EFEMP1: variants seen among roughly 807,000 people sequenced by gnomAD.
The protein encoded by EFEMP1 is EGF-containing fibulin-like extracellular matrix protein 1.
A neutral mutation model predicts 65.7 loss-of-function variants in EFEMP1; 18 were observed. The ratio of observed to expected loss-of-function variants is 0.27; its 90% CI spans 0.19 to 0.41. The LOEUF (loss-of-function observed/expected upper bound fraction) is 0.41, where lower values mean the gene tolerates loss of function less well. Among genes scored for constraint, EFEMP1 ranks in the 10% least tolerant of loss-of-function variants. The pLI, the probability that EFEMP1 is intolerant of heterozygous loss-of-function variation, is 1.00. For missense variants in EFEMP1, 469 were observed against 624.8 expected, an observed-to-expected ratio of 0.75 and a Z score of 2.66; for synonymous variants, 237 against 219.7, an observed-to-expected ratio of 1.08 and a Z score of -0.70.
chr2:55,907,497 A>G (rs986415981), intron 5 of EFEMP1, among the ~76,000 whole-genome samples: 1 of 152,254 alleles, frequency 6.6e-6, no homozygotes, highest in South Asian at 2.1e-4. Context: ...CAAACTCTGA[A>G]AAACAGACTT....
Position 55,919,169 on chromosome 2 carries a change from T to TGTCAA in EFEMP1, c.82-903_82-902insTTGAC, listed in dbSNP as rs1670821252. Among the ~76,000 whole-genome samples the TGTCAA allele has an allele frequency of 6.6e-6, 1 of 152,082 alleles. No individual in the cohort carries two copies. Among genetic ancestry groups the TGTCAA allele is most frequent in the African/African-American group, 2.4e-5 (1 of 41,414 alleles). ...GGCTATTGTGACAAAGGCATAAAAT[T>TGTCAA]TTTGAAAAGGGAAGGAGCTGCAAGG... On this transcript the variant is annotated intron_variant, in intron 3 of 11. Transcript: ENST00000355426. The surrounding 1 kb of genome is among the most constrained non-coding windows in gnomAD (Gnocchi z 4.5).
intron 5 of EFEMP1, among the ~76,000 whole-genome samples, chr2:55,888,547 C>T (rs568847401): frequency 3.9e-4 from 59 of 152,100 alleles, no homozygotes; most frequent in Non-Finnish European, 6.0e-4. Context: ...CTATGTTGGC[C>T]AGGCTGGTCT....
In EFEMP1 at chr2:55,870,890, C is replaced by G. The variant is rs367901228; in HGVS notation, c.1150G>C (p.Ala384Pro). 3 of 1,613,558 alleles carry G rather than the reference C, an allele frequency of 1.9e-6. No homozygotes were observed. In the African/African-American group the frequency reaches 4.0e-5, roughly 22 times the overall value. Residue 384 changes from alanine (A) to proline (P), a missense_variant, in exon 11 of 12, where the codon GCC becomes CCC. Coordinates refer to ENST00000355426, the MANE Select transcript of EFEMP1 (RefSeq NM_001039348.3). This position sits in a 1 kb window ranked among gnomAD's most constrained non-coding sequence, Gnocchi z 5.8. ...ENRCVCPVSN[A>P]MCRELPQSIV... ...GACTGGGGCAGTTCTCGGCACATGG[C>G]ATTTGAGACTGGGCAAACACATCGG...
intron 5 of EFEMP1, among the ~76,000 whole-genome samples, chr2:55,901,124 TGAACA>T (rs1474593247): frequency 2.0e-5 from 3 of 152,178 alleles, no homozygotes; most frequent in Non-Finnish European, 4.4e-5. Flanking sequence ...AAGAAAAATG[TGAACA>T]GAACAGAACA....
In EFEMP1 at chr2:55,875,145, TTA is replaced by T. The variant is rs899009607; in HGVS notation, c.881-82_881-81del. 711 of 460,374 alleles carry T rather than the reference TTA, an allele frequency of 1.5e-3. 2 individuals carry two copies. Among genetic ancestry groups the T allele is most frequent in the Admixed American group, 3.6e-3 (66 of 18,550 alleles). 28.5% of individuals were successfully genotyped at this position (460,374 alleles called of 1,614,324 possible). On this transcript the variant is annotated intron_variant, in intron 8 of 11. Coordinates refer to ENST00000355426, the MANE Select transcript of EFEMP1 (RefSeq NM_001039348.3). The stretch of plus-strand genomic sequence containing the variant: ...CTTTGGATATATATATATATATAAA[TTA>T]TATATATATATAAATTATAAGATTT...
rs1394979402 is a variant in EFEMP1, at chr2:55,866,882, T to C, written c.*191A>G. 3 of 675,906 alleles carry C rather than the reference T, an allele frequency of 4.4e-6. No homozygotes were observed. The highest frequency in any genetic ancestry group is 7.3e-6 in the Non-Finnish European group (3 of 409,026). The allele number at this position is 675,906 out of a possible 1,614,324, so 41.9% of individuals were successfully genotyped here. ...GGATTAATGTCTAATTTACATATAG[T>C]AATAAAGACAAACTTTGAATCTTTA... On this transcript the variant is annotated 3_prime_UTR_variant, in exon 12 of 12. Transcript: ENST00000355426.
At position 55,866,959 on chromosome 2, in the gene EFEMP1, A is replaced by C; in HGVS notation, c.*114T>G. The C allele has an allele frequency of 7.6e-7, 1 of 1,312,302 alleles. No individual in the cohort carries two copies. Among genetic ancestry groups the C allele is most frequent in the Non-Finnish European group, 1.1e-6 (1 of 922,570 alleles). 81.3% of individuals were successfully genotyped at this position (1,312,302 alleles called of 1,614,324 possible). On this transcript the variant is annotated 3_prime_UTR_variant, in exon 12 of 12. Coordinates refer to ENST00000355426, the MANE Select transcript of EFEMP1 (RefSeq NM_001039348.3). Reference sequence around the variant, plus strand: ...GGTGTAATTGTTTGAATTATGGGTGAGTGTACAGTATAGAGATGTAGATGC... The same window carrying C: ...GGTGTAATTGTTTGAATTATGGGTGCGTGTACAGTATAGAGATGTAGATGC...
Position 55,877,468 on chromosome 2 carries a change from CTGCTGATTG to C in EFEMP1, c.760+269_760+277del, listed in dbSNP as rs1669081055. Among the ~76,000 whole-genome samples, 1 of 152,172 alleles carries C rather than the reference CTGCTGATTG, an allele frequency of 6.6e-6. No homozygotes were observed. The highest frequency in any genetic ancestry group is 6.5e-5 in the Admixed American group (1 of 15,268). On this transcript the variant is annotated intron_variant, in intron 7 of 11. Transcript: ENST00000355426. This position sits in a 1 kb window ranked among gnomAD's most constrained non-coding sequence, Gnocchi z 4.5. ...GGCACTTTCAGCATTATATCACACA[CTGCTGATTG>C]ACTGGTGTATGTATATCAATTGATT...
At chr2:55,897,405 T>G (rs1361546027) in intron 5 of EFEMP1, among the ~76,000 whole-genome samples, 1 of 151,802 alleles carries the variant, frequency 6.6e-6, no homozygotes, top group Non-Finnish European at 1.5e-5. Flanking sequence ...AAAAAGTAAA[T>G]TCCAGATAAT....
rs529831738 is a variant in EFEMP1 at position 55,870,521 on chromosome 2, T to C, written c.1320+199A>G. On this transcript the variant is annotated intron_variant, in intron 11 of 11. Coordinates refer to ENST00000355426, the MANE Select transcript of EFEMP1 (RefSeq NM_001039348.3). The surrounding 1 kb of genome is among the most constrained non-coding windows in gnomAD (Gnocchi z 5.8). ...CCTCTGTAAAAAATGGAGATGAATA[T>C]TAATATCTATCTGGCAGTGTTACCA... 1.1e-4 allele frequency among the ~76,000 whole-genome samples: 16 copies of C among 152,238 alleles called. No homozygotes were observed. The highest frequency in any genetic ancestry group is 6.8e-3 in the Middle Eastern group (2 of 294).
chr2:55,905,433 C>T (rs1670218515), intron 5 of EFEMP1, among the ~76,000 whole-genome samples: 1 of 152,026 alleles, frequency 6.6e-6, no homozygotes, highest in South Asian at 2.1e-4. Flanking sequence ...ATACTGTAAA[C>T]AGATTTTCCA....
rs955323015 is a variant in EFEMP1 at position 55,886,665 on chromosome 2, C to T, written c.518-4931G>A. On this transcript the variant is annotated intron_variant, in intron 5 of 11. Transcript: ENST00000355426. The surrounding 1 kb of genome is among the most constrained non-coding windows in gnomAD (Gnocchi z 4.0). ...TACCCACCTGCTCAAAATGATTGCTCCCAATCCTTTCTAGAGACAGGGTGA... is the reference window on the plus strand; with the variant it reads ...TACCCACCTGCTCAAAATGATTGCTTCCAATCCTTTCTAGAGACAGGGTGA... Among the ~76,000 whole-genome samples the T allele has an allele frequency of 1.3e-5, 2 of 152,102 alleles. No homozygotes were observed. Among genetic ancestry groups the T allele is most frequent in the African/African-American group, 4.8e-5 (2 of 41,418 alleles).
intron 11 of EFEMP1, among the ~76,000 whole-genome samples, chr2:55,869,263 G>T (rs1451690987): frequency 1.3e-5 from 2 of 151,976 alleles, no homozygotes; most frequent in Admixed American, 6.6e-5. Flanking sequence ...ATGGCTAAAA[G>T]TTCAAAATAG....
intron 5 of EFEMP1, among the ~76,000 whole-genome samples, chr2:55,909,734 G>T (rs941624739): frequency 6.6e-6 from 1 of 152,072 alleles, no homozygotes; most frequent in African/African-American, 2.4e-5. Flanking sequence ...TGCTACCTGT[G>T]TCACATACTA....
intron 5 of EFEMP1, among the ~76,000 whole-genome samples, chr2:55,901,111 G>C (rs1391319912): frequency 1.3e-5 from 2 of 152,148 alleles, no homozygotes; most frequent in Non-Finnish European, 2.9e-5. Flanking sequence ...AATAGACTGT[G>C]GGAAGAAAAA....
At position 55,922,367 on chromosome 2, in the gene EFEMP1, G is replaced by T; in HGVS notation, c.74C>A (p.Thr25Lys). The change falls in exon 3 of 12, where the codon ACG becomes AAG. Residue 25 changes from threonine (T) to lysine (K), a missense_variant. Physicochemically the swap from Thr to Lys is moderately conservative, Grantham distance 78 (BLOSUM62 -1). Transcript: ENST00000355426. The surrounding 1 kb of genome is among the most constrained non-coding windows in gnomAD (Gnocchi z 5.5). ...AATTCCATCACCCCTTACCGTGTAC[G>T]TGATGGTTTCTTCGGTGTCCTGTGA... ...VKSQDTEETI[T>K]YTQCTDGYEW... The T allele has an allele frequency of 2.5e-6, 4 of 1,613,806 alleles. No individual in the cohort carries two copies. The highest frequency in any genetic ancestry group is 3.4e-6 in the Non-Finnish European group (4 of 1,179,756).
At position 55,870,675 on chromosome 2, in the gene EFEMP1, A is replaced by G; in HGVS notation, c.1320+45T>C. On this transcript the variant is annotated intron_variant, in intron 11 of 11. Coordinates refer to ENST00000355426, the MANE Select transcript of EFEMP1 (RefSeq NM_001039348.3). The surrounding 1 kb of genome is among the most constrained non-coding windows in gnomAD (Gnocchi z 5.8). ...ACAACAACAACAACAACAACAACAA[A>G]CTCCCATCTTTCTCAATAGTTAAGG... The G allele has an allele frequency of 6.3e-7, 1 of 1,592,986 alleles. No individual in the cohort carries two copies. Among genetic ancestry groups the G allele is most frequent in the Non-Finnish European group, 8.6e-7 (1 of 1,163,106 alleles).
At chr2:55,868,108 C>G (rs887525035) in intron 11 of EFEMP1, among the ~76,000 whole-genome samples, 11 of 152,282 alleles carry the variant, frequency 7.2e-5, no homozygotes, top group Non-Finnish European at 1.3e-4. Context: ...TGTTCAATGT[C>G]TTGACTACAA....
intron 5 of EFEMP1, among the ~76,000 whole-genome samples, chr2:55,916,311 T>C (rs1380538996): frequency 1.3e-5 from 2 of 152,160 alleles, no homozygotes; most frequent in African/African-American, 4.8e-5. Context: ...GGTTTCGCCA[T>C]GTTGGCCAGG....
Sources: gnomAD v4.1 joint callset for allele counts (sites outside exome capture counted in the v4.1 genomes callset) on GRCh38, gnomAD v4.1.1 for gene constraint, Gnocchi (gnomAD v3.1) non-coding constraint, MANE v1.5 for transcripts, NCBI Gene and HGNC (gene_info 2026-07-23, HGNC 2026-07-21) for gene names.